Variants in OCA2 observed in about 807,000 individuals in gnomAD.
The protein encoded by OCA2 is OCA2 melanosomal transmembrane protein.
Under a neutral mutation model 100.2 loss-of-function variants are expected in OCA2, and 77 were observed. The ratio of observed to expected loss-of-function variants is 0.77; its 90% CI spans 0.64 to 0.93. The LOEUF (loss-of-function observed/expected upper bound fraction) is 0.93, where lower values mean the gene tolerates loss of function less well. OCA2 is among the 40% of genes least tolerant of loss of function. OCA2 has a pLI of 0.00. For synonymous variants in OCA2, 432 were observed against 439.2 expected (o/e 0.98, Z 0.21); for missense variants, 1,062 against 1,089.1 (o/e 0.98, Z 0.35).
chr15:27,997,035 G>GAA (rs2041752112), intron 9 of OCA2, among the ~76,000 whole-genome samples: 3 of 85,836 alleles, frequency 3.5e-5, no homozygotes, highest in Admixed American at 1.1e-4. Context: ...GAAAGAGAGA[G>GAA]AGAGAGAAAG....
the OCA2 span, among the ~76,000 whole-genome samples, chr15:27,739,440 CTTTT>C: frequency 4.5e-4 from 45 of 100,042 alleles, no homozygotes; most frequent in Non-Finnish European, 7.0e-4. Flanking sequence ...TAATTTCTTT[CTTTT>C]TTTTTTTTTT....
intron 1 of OCA2, among the ~76,000 whole-genome samples, chr15:28,095,068 G>A (rs931913840): frequency 6.6e-6 from 1 of 152,240 alleles, no homozygotes; most frequent in Non-Finnish European, 1.5e-5. Flanking sequence ...CCAAGAGAGC[G>A]GTGCTGCCGG....
At chr15:27,976,635 T>G (rs541654379) in intron 14 of OCA2, among the ~76,000 whole-genome samples, 3 of 152,318 alleles carry the variant, frequency 2.0e-5, no homozygotes, top group African/African-American at 7.2e-5. Context: ...ATTTAGATAT[T>G]GTTAAATTGG....
intron 18 of OCA2, among the ~76,000 whole-genome samples, chr15:27,929,186 C>T (rs924327884): frequency 6.6e-6 from 1 of 151,932 alleles, no homozygotes; most frequent in African/African-American, 2.4e-5. Flanking sequence ...CTAGAATAAC[C>T]AATGCAACTT....
chr15:28,024,630 T>A (rs1340738322), intron 5 of OCA2, among the ~76,000 whole-genome samples: 3 of 152,188 alleles, frequency 2.0e-5, no homozygotes, highest in African/African-American at 7.2e-5. Flanking sequence ...TTCTGCCGTG[T>A]GACTGGGACC....
chr15:27,778,890 C>T (rs1156997297), intron 23 of OCA2, among the ~76,000 whole-genome samples: 3 of 152,184 alleles, frequency 2.0e-5, no homozygotes, highest in African/African-American at 7.2e-5. Context: ...CACTTAAGTA[C>T]TATTATACGC....
the OCA2 span, among the ~76,000 whole-genome samples, chr15:27,734,027 G>T: frequency 6.6e-6 from 1 of 151,524 alleles, no homozygotes; most frequent in Non-Finnish European, 1.5e-5. Context: ...GGGAATAGTG[G>T]TGCACGACTG....
rs991890639 is a variant in OCA2 at position 27,936,315 on chromosome 15, G to A, written c.1952-10061C>T. On this transcript the variant is annotated intron_variant, in intron 18 of 23. Transcript: ENST00000354638. ...CTGGCTTAGAAAGTCAGAAGGAGCC[G>A]AGTGACCAGGGGGTTAAGGTCTATT... Among the ~76,000 whole-genome samples, 4 of 152,264 alleles carry A rather than the reference G, an allele frequency of 2.6e-5. No individual in the cohort carries two copies. The South Asian group carries it at 6.2e-4, about 24-fold the overall frequency.
intron 2 of OCA2, among the ~76,000 whole-genome samples, chr15:28,073,115 T>TA (rs1381175722): frequency 3.9e-5 from 6 of 152,044 alleles, no homozygotes; most frequent in Non-Finnish European, 8.8e-5. Flanking sequence ...TATGCAGCCA[T>TA]AAAAAAGAGT....
chr15:27,812,450 T>G (rs1193014629), intron 23 of OCA2, among the ~76,000 whole-genome samples: 1 of 152,148 alleles, frequency 6.6e-6, no homozygotes, highest in African/African-American at 2.4e-5. Context: ...GGGTGGCAGT[T>G]TCTCCAGGGA....
At chr15:28,024,295 GT>G (rs1371902252) in intron 5 of OCA2, among the ~76,000 whole-genome samples, 2 of 152,208 alleles carry the variant, frequency 1.3e-5, no homozygotes, top group Non-Finnish European at 2.9e-5. Flanking sequence ...GGCATCTCAC[GT>G]TGGTTTGGCT....
At chr15:28,033,376 A>G (rs1566823129) in intron 2 of OCA2, among the ~76,000 whole-genome samples, 1 of 152,234 alleles carries the variant, frequency 6.6e-6, no homozygotes. Context: ...CGAATGCACA[A>G]CAAAGGAAGA....
chr15:27,876,726 A>G (rs2036807848), intron 19 of OCA2, among the ~76,000 whole-genome samples: 2 of 151,828 alleles, frequency 1.3e-5, no homozygotes, highest in African/African-American at 4.8e-5. Context: ...TGTTGGTATA[A>G]ATTTGTTAAT....
At chr15:28,005,710 C>T (rs975241710) in intron 9 of OCA2, among the ~76,000 whole-genome samples, 8 of 152,212 alleles carry the variant, frequency 5.3e-5, no homozygotes, top group Admixed American at 4.6e-4. Flanking sequence ...ATAGTCTCTA[C>T]ATCACAAGGT....
intron 19 of OCA2, among the ~76,000 whole-genome samples, chr15:27,913,953 G>T (rs2038566258): frequency 6.7e-6 from 1 of 148,564 alleles, no homozygotes; most frequent in South Asian, 2.1e-4. Context: ...AAAATTTCAG[G>T]CCAATATCCC....
intron 18 of OCA2, among the ~76,000 whole-genome samples, chr15:27,940,215 A>T (rs2039598392): frequency 6.6e-6 from 1 of 152,200 alleles, no homozygotes. Flanking sequence ...ACCAGATAAA[A>T]CATCATATCA....
At chr15:27,965,562 G>C (rs2140808538) in intron 15 of OCA2, among the ~76,000 whole-genome samples, 1 of 152,302 alleles carries the variant, frequency 6.6e-6, no homozygotes, top group African/African-American at 2.4e-5. Context: ...CCATGTCGTG[G>C]CCTCCAGCCA....
intron 23 of OCA2, among the ~76,000 whole-genome samples, chr15:27,761,949 C>G: frequency 6.6e-6 from 1 of 152,238 alleles, no homozygotes; most frequent in East Asian, 1.9e-4. Context: ...CTTAGCCTCC[C>G]AGCCAGCTGG....
intron 19 of OCA2, among the ~76,000 whole-genome samples, chr15:27,897,443 A>G (rs1341278960): frequency 6.6e-6 from 1 of 152,138 alleles, no homozygotes; most frequent in Non-Finnish European, 1.5e-5. Context: ...GGCTAAAAGG[A>G]GCCAAGGCAG....
Sources: allele counts gnomAD v4.1 joint callset (sites outside exome capture counted in the v4.1 genomes callset), GRCh38; gene constraint gnomAD v4.1.1; transcripts MANE v1.5; gene names NCBI Gene and HGNC (gene_info 2026-07-23, HGNC 2026-07-21).